Variants in GRID1 observed in about 807,000 individuals in gnomAD.
GRID1 encodes the protein glutamate ionotropic receptor delta type subunit 1, also known as glutamate receptor ionotropic, delta-1.
GRID1 carries 28 observed loss-of-function variants against 98.0 expected under a neutral mutation model. The ratio of observed to expected loss-of-function variants is 0.29; its 90% confidence interval spans 0.21 to 0.39. GRID1 has a LOEUF of 0.39. GRID1 is among the 10% of genes least tolerant of loss of function. The pLI is 1.00. For missense variants in GRID1, 1,111 were observed against 1,340.5 expected (o/e 0.83, Z 2.67); for synonymous variants, 553 against 538.5 (o/e 1.03, Z -0.37).
At chr10:85,868,792 C>T (rs1053818914) in intron 6 of GRID1, among the ~76,000 whole-genome samples, 1 of 152,148 alleles carries the variant, frequency 6.6e-6, no homozygotes, top group African/African-American at 2.4e-5. Context: ...CAGAGACACC[C>T]GGTGAGCCAA....
intron 2 of GRID1, among the ~76,000 whole-genome samples, chr10:86,345,353 C>G (rs1025890620): frequency 2.0e-5 from 3 of 152,220 alleles, no homozygotes; most frequent in African/African-American, 7.2e-5. Flanking sequence ...CTGGGTCTAT[C>G]AGACCTACCA....
chr10:86,044,615 T>C (rs1050247646), intron 4 of GRID1, among the ~76,000 whole-genome samples: 1 of 152,206 alleles, frequency 6.6e-6, no homozygotes, highest in Non-Finnish European at 1.5e-5. Flanking sequence ...CACATCTATT[T>C]ATCATATCAC....
chr10:86,212,427 C>T (rs1190072927), intron 2 of GRID1, among the ~76,000 whole-genome samples: 1 of 152,250 alleles, frequency 6.6e-6, no homozygotes, highest in Non-Finnish European at 1.5e-5. Flanking sequence ...AGAGCCTCCA[C>T]CTGGGGAGAA....
chr10:86,321,144 A>G (rs1196195416), intron 2 of GRID1, among the ~76,000 whole-genome samples: 4 of 152,216 alleles, frequency 2.6e-5, no homozygotes, highest in East Asian at 1.9e-4. Flanking sequence ...TTGGGAAGAA[A>G]AAGGAAACAG....
intron 12 of GRID1, among the ~76,000 whole-genome samples, chr10:85,658,265 G>A (rs776218848): frequency 1.3e-5 from 2 of 152,120 alleles, no homozygotes; most frequent in Non-Finnish European, 2.9e-5. Flanking sequence ...ACCCTCTAGT[G>A]TGTCAGCTTC....
rs545610500 is a variant in GRID1, at chr10:85,907,940, T to C, written c.780+8246A>G. Reference sequence around the variant, plus strand: ...TGCAAAAAGAAAAACCATATGATCATCTGAACAGATGCAGAAAAAGCATTA... The same window carrying C: ...TGCAAAAAGAAAAACCATATGATCACCTGAACAGATGCAGAAAAAGCATTA... On this transcript the variant is annotated intron_variant, in intron 5 of 15. Coordinates refer to ENST00000327946, the MANE Select transcript of GRID1 (RefSeq NM_017551.3). Among the ~76,000 whole-genome samples, 28 of 152,304 alleles carry C rather than the reference T, an allele frequency of 1.8e-4. No individual in the cohort carries two copies. In the Middle Eastern group the frequency reaches 0.01, roughly 56 times the overall value.
chr10:85,790,096 C>A (rs886266872), intron 8 of GRID1, among the ~76,000 whole-genome samples: 1 of 152,182 alleles, frequency 6.6e-6, no homozygotes, highest in Non-Finnish European at 1.5e-5. Context: ...AGGCTGGGAC[C>A]ACTGCTGCAT....
chr10:85,815,481 C>T (rs1426312717), intron 8 of GRID1, among the ~76,000 whole-genome samples: 1 of 151,822 alleles, frequency 6.6e-6, no homozygotes, highest in Non-Finnish European at 1.5e-5. Flanking sequence ...TAAAATGATT[C>T]TCTATGTAGA....
chr10:85,686,062 T>C (rs1161024504), intron 12 of GRID1, among the ~76,000 whole-genome samples: 1 of 152,098 alleles, frequency 6.6e-6, no homozygotes, highest in Non-Finnish European at 1.5e-5. Context: ...TATAAGAAGC[T>C]GATTTTCAAT....
intron 8 of GRID1, among the ~76,000 whole-genome samples, chr10:85,844,902 T>C (rs1311387030): frequency 6.6e-6 from 1 of 152,038 alleles, no homozygotes; most frequent in Non-Finnish European, 1.5e-5. Context: ...ACACTCATTC[T>C]TGATAACACT....
At chr10:85,987,060 C>T (rs1240698145) in intron 4 of GRID1, among the ~76,000 whole-genome samples, 2 of 152,214 alleles carry the variant, frequency 1.3e-5, no homozygotes, top group African/African-American at 4.8e-5. Context: ...TAGGACCAGA[C>T]TGAAGGCTGA....
intron 15 of GRID1, among the ~76,000 whole-genome samples, chr10:85,604,710 T>C (rs908403872): frequency 3.9e-5 from 6 of 152,262 alleles, no homozygotes; most frequent in Admixed American, 1.3e-4. Context: ...CCTTACACCA[T>C]GGTGGAGCCA....
At chr10:86,345,191 A>G (rs1848364838) in intron 2 of GRID1, among the ~76,000 whole-genome samples, 1 of 152,198 alleles carries the variant, frequency 6.6e-6, no homozygotes, top group African/African-American at 2.4e-5. Flanking sequence ...TCATGTCTGC[A>G]TGGAGGGGCC....
At chr10:86,212,658 GC>G (rs1846123313) in intron 2 of GRID1, among the ~76,000 whole-genome samples, 1 of 152,122 alleles carries the variant, frequency 6.6e-6, no homozygotes, top group African/African-American at 2.4e-5. Context: ...GCACCCACCT[GC>G]CCCCAGCCAC....
intron 2 of GRID1, among the ~76,000 whole-genome samples, chr10:86,281,999 T>G (rs1847363768): frequency 6.6e-6 from 1 of 152,172 alleles, no homozygotes; most frequent in Non-Finnish European, 1.5e-5. Context: ...GCCCAGTGGT[T>G]AGGTTCAGAC....
intron 2 of GRID1, among the ~76,000 whole-genome samples, chr10:86,299,492 C>G (rs1432307208): frequency 1.3e-5 from 2 of 151,680 alleles, no homozygotes; most frequent in African/African-American, 2.4e-5. Context: ...CCTCGCCCCC[C>G]TCCCCACAAC....
intron 5 of GRID1, among the ~76,000 whole-genome samples, chr10:85,893,749 T>C (rs1841239371): frequency 6.6e-6 from 1 of 152,196 alleles, no homozygotes; most frequent in African/African-American, 2.4e-5. Context: ...TGAAAAGATA[T>C]GCTTTGTTCA....
At chr10:85,638,893 A>C (rs1410671011) in intron 13 of GRID1, among the ~76,000 whole-genome samples, 3 of 152,224 alleles carry the variant, frequency 2.0e-5, no homozygotes, top group African/African-American at 7.2e-5. Context: ...TTCTGTTCAT[A>C]CCCACTAAAT....
intron 2 of GRID1, among the ~76,000 whole-genome samples, chr10:86,310,502 C>T (rs754238598): frequency 3.3e-5 from 5 of 152,316 alleles, no homozygotes; most frequent in Non-Finnish European, 7.3e-5. Context: ...CACCAATATG[C>T]CTTGAGCCCT....
Sources: gnomAD v4.1 joint callset for allele counts (sites outside exome capture counted in the v4.1 genomes callset) on GRCh38, gnomAD v4.1.1 for gene constraint, MANE v1.5 for transcripts, NCBI Gene and HGNC (gene_info 2026-07-23, HGNC 2026-07-21) for gene names.